Variants in STXBP5 observed in about 807,000 individuals in gnomAD.
STXBP5 encodes the protein syntaxin-binding protein 5.
Under a neutral mutation model 152.4 loss-of-function variants are expected in STXBP5, and 50 were observed. That is an observed-to-expected ratio of 0.33 (90% CI 0.26 to 0.42). The LOEUF (loss-of-function observed/expected upper bound fraction) is 0.42. Ranked by LOEUF, STXBP5 falls within the 10% of genes least tolerant of loss-of-function variation. The pLI, the probability that STXBP5 is intolerant of heterozygous loss-of-function variation, is 1.00. For missense variants in STXBP5, 1,167 were observed against 1,388.6 expected (o/e 0.84, Z 2.54); for synonymous variants, 492 against 494.7 (o/e 0.99, Z 0.07).
intron 2 of STXBP5, among the ~76,000 whole-genome samples, chr6:147,233,317 T>C (rs1464806678): frequency 6.6e-6 from 1 of 151,766 alleles, no homozygotes; most frequent in African/African-American, 2.4e-5. Flanking sequence ...AAAGTTCCTT[T>C]TAAGAAGTTA....
intron 2 of STXBP5, among the ~76,000 whole-genome samples, chr6:147,220,289 C>G (rs1777394949): frequency 6.6e-6 from 1 of 151,910 alleles, no homozygotes; most frequent in South Asian, 2.1e-4. Flanking sequence ...TTTTATGGCC[C>G]AGAATATATT....
intron 2 of STXBP5, among the ~76,000 whole-genome samples, chr6:147,214,254 T>C (rs1029222360): frequency 6.6e-6 from 1 of 152,258 alleles, no homozygotes; most frequent in Admixed American, 6.5e-5. Context: ...TTAATATTTC[T>C]GAATAAGTAT....
chr6:147,239,074 T>C (rs1165438824), intron 3 of STXBP5, 96 bp from the exon 4 acceptor site: 5 of 1,124,238 alleles, frequency 4.4e-6, no homozygotes, highest in Non-Finnish European at 6.2e-6. Context: ...CAGAAAGTTT[T>C]GAAATTTGGG....
intron 26 of STXBP5, among the ~76,000 whole-genome samples, chr6:147,380,553 A>G (rs1448363779): frequency 6.6e-6 from 1 of 152,014 alleles, no homozygotes; most frequent in Non-Finnish European, 1.5e-5. Context: ...TAAAACTGTA[A>G]CACTCTTAGA....
intron 27 of STXBP5, 21 bp from the exon 28 acceptor site, chr6:147,384,693 T>G (rs1297972229): frequency 6.2e-7 from 1 of 1,605,638 alleles, no homozygotes; most frequent in Admixed American, 1.7e-5. Context: ...AAGCATGTTT[T>G]TCTTTTTTTT....
At chr6:147,352,527 C>T (rs1784635910) in intron 21 of STXBP5, among the ~76,000 whole-genome samples, 1 of 152,142 alleles carries the variant, frequency 6.6e-6, no homozygotes, top group Admixed American at 6.5e-5. Flanking sequence ...GGGAGAATCC[C>T]TTGACCCTGA....
chr6:147,328,853 A>C (rs1466322198), intron 18 of STXBP5: 2 of 452,694 alleles, frequency 4.4e-6, no homozygotes, highest in Non-Finnish European at 9.0e-6. Context: ...CATTTTTAAA[A>C]GAGCTTATTA....
rs571911099 is a variant in STXBP5, at chr6:147,384,594, A to G, written c.3415-120A>G. The G allele has an allele frequency of 9.6e-4, 917 of 958,022 alleles. 1 individual carries two copies. Among genetic ancestry groups the G allele is most frequent in the Non-Finnish European group, 1.2e-3 (702 of 609,016 alleles). 59.3% of individuals were successfully genotyped at this position (958,022 alleles called of 1,614,324 possible). ...GCTTTTAATAAGTTGAAGTAAGCAT[A>G]TAGTAGCACTACAGAATATTGCAGA... On this transcript the variant is annotated intron_variant, in intron 27 of 27. Transcript: ENST00000321680.
chr6:147,384,569 G>A (rs1431275557), intron 27 of STXBP5, 145 bp from the exon 28 acceptor site: 2 of 784,776 alleles, frequency 2.5e-6, no homozygotes, highest in Non-Finnish European at 4.2e-6. Flanking sequence ...AGTTCTTACT[G>A]CTTTTAATAA....
intron 2 of STXBP5, among the ~76,000 whole-genome samples, chr6:147,227,426 CTAAAT>C (rs964240662): frequency 2.6e-5 from 4 of 152,114 alleles, no homozygotes; most frequent in Non-Finnish European, 4.4e-5. Flanking sequence ...GTTGCTAACT[CTAAAT>C]AAAATCTCTT....
chr6:147,257,145 A>C (rs1046140554), intron 4 of STXBP5, among the ~76,000 whole-genome samples: 1 of 151,580 alleles, frequency 6.6e-6, no homozygotes, highest in Non-Finnish European at 1.5e-5. Context: ...AGTCAAGTGC[A>C]GTATAGGGAT....
chr6:147,305,309 C>A (rs752579760), intron 9 of STXBP5, among the ~76,000 whole-genome samples: 7 of 152,154 alleles, frequency 4.6e-5, no homozygotes, highest in Non-Finnish European at 1.0e-4. Context: ...AAGCAGTGTT[C>A]AAGGCAACAT....
At chr6:147,330,245 C>G (rs905180622) in intron 18 of STXBP5, among the ~76,000 whole-genome samples, 4 of 152,076 alleles carry the variant, frequency 2.6e-5, no homozygotes, top group South Asian at 4.2e-4. Flanking sequence ...TTTTGCTGGT[C>G]ATTTTATCAT....
At chr6:147,381,978 G>A (rs1372698285) in intron 26 of STXBP5, among the ~76,000 whole-genome samples, 3 of 152,004 alleles carry the variant, frequency 2.0e-5, no homozygotes, top group East Asian at 3.9e-4. Context: ...ACATCCTTAC[G>A]AATAAAGTAA....
At chr6:147,212,425 T>G (rs114791743) in intron 2 of STXBP5, among the ~76,000 whole-genome samples, 46 of 152,310 alleles carry the variant, frequency 3.0e-4, no homozygotes, top group African/African-American at 1.1e-3. Context: ...ATTGCCTTAT[T>G]ATTAGGAGAT....
At chr6:147,215,579 G>A (rs1044385652) in intron 2 of STXBP5, among the ~76,000 whole-genome samples, 1 of 151,982 alleles carries the variant, frequency 6.6e-6, no homozygotes, top group African/African-American at 2.4e-5. Context: ...CCTGGGTTTT[G>A]TCATGTTGCT....
At chr6:147,369,212 A>G (rs567624478) in intron 25 of STXBP5, among the ~76,000 whole-genome samples, 9 of 152,190 alleles carry the variant, frequency 5.9e-5, no homozygotes, top group African/African-American at 2.2e-4. Context: ...AAGGCAATGC[A>G]ATGGAGAAAG....
chr6:147,328,224 G>A (rs1262378488), intron 18 of STXBP5, among the ~76,000 whole-genome samples: 2 of 152,120 alleles, frequency 1.3e-5, no homozygotes, highest in Non-Finnish European at 2.9e-5. Flanking sequence ...ATGGCACACA[G>A]GGTACACTAA....
chr6:147,306,063 C>G (rs1782076399), intron 9 of STXBP5, among the ~76,000 whole-genome samples: 1 of 152,168 alleles, frequency 6.6e-6, no homozygotes, highest in Non-Finnish European at 1.5e-5. Flanking sequence ...TAAAATGGCA[C>G]AGCAATTAAA....
Sources: gnomAD v4.1 joint callset for allele counts (sites outside exome capture counted in the v4.1 genomes callset) on GRCh38, gnomAD v4.1.1 for gene constraint, MANE v1.5 for transcripts, NCBI Gene and HGNC (gene_info 2026-07-23, HGNC 2026-07-21) for gene names.